GNAO1: variants seen among roughly 807,000 people sequenced by gnomAD.
GNAO1 encodes G protein subunit alpha o1.
For missense variants in GNAO1, 166 were observed against 478.7 expected, an observed-to-expected ratio of 0.35 and a Z score of 6.10; for synonymous variants, 164 against 180.7, an observed-to-expected ratio of 0.91 and a Z score of 0.74.
chr16:56,330,188 A>G (rs2037675237), intron 4 of GNAO1, among the ~76,000 whole-genome samples: 1 of 152,208 alleles, frequency 6.6e-6, no homozygotes, highest in South Asian at 2.1e-4. Flanking sequence ...ATGAGCTCCC[A>G]GGGACACCCT....
intron 4 of GNAO1, among the ~76,000 whole-genome samples, chr16:56,331,115 G>A (rs1161449833): frequency 1.3e-5 from 2 of 152,242 alleles, no homozygotes; most frequent in Non-Finnish European, 2.9e-5. Flanking sequence ...GCCACAGCAC[G>A]TGCTTCCAGG....
intron 2 of GNAO1, among the ~76,000 whole-genome samples, chr16:56,194,848 AAG>A (rs1441283504): frequency 1.3e-5 from 2 of 152,212 alleles, no homozygotes; most frequent in Non-Finnish European, 2.9e-5. Flanking sequence ...TTTTTATTCA[AAG>A]AGAGCTGAGC....
chr16:56,197,834 C>T (rs538932468), intron 2 of GNAO1, among the ~76,000 whole-genome samples: 1 of 152,166 alleles, frequency 6.6e-6, no homozygotes, highest in Non-Finnish European at 1.5e-5. Context: ...TCACAATACC[C>T]TATCTCCGTT....
intron 3 of GNAO1, chr16:56,301,616 C>A (rs1251753305): frequency 6.6e-6 from 1 of 152,070 alleles, no homozygotes; most frequent in Non-Finnish European, 1.5e-5. Context: ...TTTAATTTTT[C>A]AGTTGCATTT....
chr16:56,194,954 CA>C (rs1488073244), intron 2 of GNAO1, among the ~76,000 whole-genome samples: 3 of 152,020 alleles, frequency 2.0e-5, no homozygotes, highest in Non-Finnish European at 4.4e-5. Flanking sequence ...TAGACTTCCC[CA>C]GGAAAGTCCT....
intron 2 of GNAO1, chr16:56,194,020 C>T: frequency 9.4e-6 from 4 of 425,794 alleles, no homozygotes; most frequent in Non-Finnish European, 1.9e-5. Context: ...AGCATGCTTG[C>T]GGTTTCAGAA....
At chr16:56,274,014 G>A (rs1301099506) in intron 2 of GNAO1, among the ~76,000 whole-genome samples, 1 of 152,212 alleles carries the variant, frequency 6.6e-6, no homozygotes, top group Non-Finnish European at 1.5e-5. Context: ...CATCTGAAGT[G>A]CTCTCTCTTC....
chr16:56,337,282 G>A (rs1244485634), intron 6 of GNAO1, among the ~76,000 whole-genome samples: 1 of 152,222 alleles, frequency 6.6e-6, no homozygotes, highest in Non-Finnish European at 1.5e-5. Context: ...TGCTGCTGAA[G>A]CAGCATGGGG....
intron 2 of GNAO1, among the ~76,000 whole-genome samples, chr16:56,211,146 T>C (rs1284738669): frequency 5.3e-5 from 8 of 152,306 alleles, no homozygotes; most frequent in Middle Eastern, 3.4e-3. Flanking sequence ...GAAAGCCAGG[T>C]GGGGAGTAGG....
intron 4 of GNAO1, among the ~76,000 whole-genome samples, chr16:56,333,268 A>C (rs1301678807): frequency 6.8e-6 from 1 of 146,350 alleles, no homozygotes; most frequent in Non-Finnish European, 1.5e-5. Flanking sequence ...GCTGGAGTAC[A>C]GTGGCACGAT....
intron 7 of GNAO1, chr16:56,353,444 AC>A (rs2037941973): frequency 1.3e-5 from 2 of 152,286 alleles, no homozygotes; most frequent in Admixed American, 1.3e-4. Context: ...ATCATGGATG[AC>A]AGATGGTCAC....
At chr16:56,338,821 G>T (rs1387822778) in intron 6 of GNAO1, among the ~76,000 whole-genome samples, 1 of 149,354 alleles carries the variant, frequency 6.7e-6, no homozygotes, top group Non-Finnish European at 1.5e-5. Flanking sequence ...CTGGTGCTGG[G>T]CCTGGCACTG....
At chr16:56,263,441 G>A (rs1474513486) in intron 2 of GNAO1, among the ~76,000 whole-genome samples, 1 of 152,070 alleles carries the variant, frequency 6.6e-6, no homozygotes, top group East Asian at 1.9e-4. Flanking sequence ...GGAAACAGAT[G>A]GTATACAAAT....
chr16:56,351,268 G>A lies in GNAO1; in HGVS notation c.724-116G>A, dbSNP rs2037918484. 2 of 670,160 alleles carry A rather than the reference G, an allele frequency of 3.0e-6. No individual in the cohort carries two copies. The highest frequency in any genetic ancestry group is 5.2e-6 in the Non-Finnish European group (2 of 387,324). The allele number at this position is 670,160 out of a possible 1,614,324, so 41.5% of individuals were successfully genotyped here. On this transcript the variant is annotated intron_variant, in intron 6 of 8. Coordinates refer to ENST00000262493, the MANE Select transcript of GNAO1 (RefSeq NM_020988.3). This position sits in a 1 kb window ranked among gnomAD's most constrained non-coding sequence, Gnocchi z 6.1. ...AGGTTCCATCTGGCAGCCTCTCGGA[G>A]GAGCTGCCGAGTAGCCCAGTCCCTC...
At chr16:56,215,404 C>T (rs572820960) in intron 2 of GNAO1, among the ~76,000 whole-genome samples, 125 of 152,260 alleles carry the variant, frequency 8.2e-4, no homozygotes, top group African/African-American at 2.9e-3. Flanking sequence ...GAGCTCTGTG[C>T]GGGAGCCAAT....
chr16:56,237,820 G>T (rs1442159714), intron 2 of GNAO1, among the ~76,000 whole-genome samples: 4 of 152,130 alleles, frequency 2.6e-5, no homozygotes, highest in Non-Finnish European at 5.9e-5. Context: ...ATGAAAATGT[G>T]AATTCTTTTT....
chr16:56,340,846 G>A (rs775322429), intron 6 of GNAO1: 9 of 1,613,870 alleles, frequency 5.6e-6, no homozygotes, highest in South Asian at 1.1e-5. Context: ...CCGCATGCAC[G>A]AATCCCTGAA....
At chr16:56,280,867 A>G (rs887125803) in intron 3 of GNAO1, among the ~76,000 whole-genome samples, 2 of 152,200 alleles carry the variant, frequency 1.3e-5, no homozygotes, top group Admixed American at 6.5e-5. Context: ...AGGTCCGCAC[A>G]TATCAGATGG....
At chr16:56,332,106 CT>C (rs2037694583) in intron 4 of GNAO1, among the ~76,000 whole-genome samples, 1 of 152,206 alleles carries the variant, frequency 6.6e-6, no homozygotes, top group Non-Finnish European at 1.5e-5. Context: ...ACGACAGCAG[CT>C]CTGCAGGCCC....
Sources: gnomAD v4.1 joint callset for allele counts (sites outside exome capture counted in the v4.1 genomes callset) on GRCh38, gnomAD v4.1.1 for gene constraint, Gnocchi (gnomAD v3.1) non-coding constraint, MANE v1.5 for transcripts, NCBI Gene and HGNC (gene_info 2026-07-23, HGNC 2026-07-21) for gene names.